Variants in THSD4 observed in about 807,000 individuals in gnomAD.
THSD4 encodes thrombospondin type 1 domain containing 4.
A neutral mutation model predicts 119.0 loss-of-function variants in THSD4; 69 were observed. The observed-to-expected ratio is 0.58, with a 90% CI of 0.48 to 0.71. The LOEUF (loss-of-function observed/expected upper bound fraction) is 0.71. Ranked by LOEUF, THSD4 falls within the 30% of genes least tolerant of loss-of-function variation. The probability of loss-of-function intolerance (pLI) is 0.00; values close to 1 mark genes in which losing one functional copy is unlikely to be tolerated. For missense variants in THSD4, 1,393 were observed against 1,391.1 expected (o/e 1.00, Z -0.02); for synonymous variants, 524 against 540.4 (o/e 0.97, Z 0.42).
intron 7 of THSD4, among the ~76,000 whole-genome samples, chr15:71,512,823 C>G (rs1403550707): frequency 1.3e-5 from 2 of 152,044 alleles, no homozygotes; most frequent in African/African-American, 4.8e-5. Flanking sequence ...AACATCCATA[C>G]GAGAGTAGGG....
intron 4 of THSD4, among the ~76,000 whole-genome samples, chr15:71,237,604 A>G (rs1158713892): frequency 6.6e-6 from 1 of 152,200 alleles, no homozygotes; most frequent in Non-Finnish European, 1.5e-5. Context: ...CCGCTGAAGC[A>G]GAAGCTGGAT....
At chr15:71,147,879 A>G in intron 2 of THSD4, 1 of 141,618 alleles carries the variant, frequency 7.1e-6, no homozygotes, top group Non-Finnish European at 1.5e-5. Context: ...CTGATGTGGG[A>G]GGATCACTTG....
At chr15:71,207,176 A>G (rs1302520715) in intron 3 of THSD4, among the ~76,000 whole-genome samples, 1 of 152,206 alleles carries the variant, frequency 6.6e-6, no homozygotes, top group Non-Finnish European at 1.5e-5. Flanking sequence ...TAAAAAGGCT[A>G]TGATGAAATA....
chr15:71,164,859 C>T, intron 3 of THSD4: 1 of 1,577,404 alleles, frequency 6.3e-7, no homozygotes, highest in Admixed American at 1.8e-5. Flanking sequence ...TCTTCCTCCT[C>T]TTCCTTCTTT....
intron 8 of THSD4, among the ~76,000 whole-genome samples, chr15:71,693,928 G>A (rs1281474747): frequency 6.6e-6 from 1 of 151,650 alleles, no homozygotes; most frequent in African/African-American, 2.4e-5. Flanking sequence ...AAATTACCCA[G>A]TCTCACATCT....
At chr15:71,110,204 T>A (rs753215078) in intron 1 of THSD4, 11 of 152,174 alleles carry the variant, frequency 7.2e-5, no homozygotes, top group Non-Finnish European at 1.2e-4. Context: ...AGGACCTCAT[T>A]ATGAGAGTCT....
At chr15:71,441,620 G>C (rs1050269515) in intron 7 of THSD4, among the ~76,000 whole-genome samples, 8 of 151,674 alleles carry the variant, frequency 5.3e-5, no homozygotes, top group South Asian at 2.1e-4. Context: ...GTCTCGAACT[G>C]CTGACCTCGT....
intron 7 of THSD4, among the ~76,000 whole-genome samples, chr15:71,567,602 C>CCCCCA (rs201007082): frequency 5.6e-5 from 8 of 142,616 alleles, no homozygotes; most frequent in African/African-American, 1.5e-4. Context: ...AGACACCCCC[C>CCCCCA]CACACACACA....
At chr15:71,344,442 A>G (rs1035194786) in intron 6 of THSD4, among the ~76,000 whole-genome samples, 1 of 152,062 alleles carries the variant, frequency 6.6e-6, no homozygotes, top group East Asian at 1.9e-4. Context: ...GGGAGAAGGG[A>G]GGGCACCATT....
intron 1 of THSD4, among the ~76,000 whole-genome samples, chr15:71,130,456 G>A (rs1280255925): frequency 6.6e-6 from 1 of 152,112 alleles, no homozygotes; most frequent in South Asian, 2.1e-4. Flanking sequence ...GAAGTGCTGG[G>A]ATTACAGGCA....
At chr15:71,276,953 C>T (rs2044597100) in intron 6 of THSD4, among the ~76,000 whole-genome samples, 8 of 151,968 alleles carry the variant, frequency 5.3e-5, no homozygotes, top group Admixed American at 5.2e-4. Flanking sequence ...GCAGTGTATC[C>T]AGAGGTGGAG....
In THSD4 at chr15:71,411,161, G is replaced by A. The variant is rs147762764; in HGVS notation, c.1016-526G>A. 2.7e-3 allele frequency among the ~76,000 whole-genome samples: 410 copies of A among 152,300 alleles called. 3 individuals carry two copies. Among genetic ancestry groups the A allele is most frequent in the African/African-American group, 9.3e-3 (387 of 41,552 alleles). ...CGTAATTAATTATGACAATGGCAAA[G>A]CGTGGGAGGATGTCTAAAAGTAGAA... On this transcript the variant is annotated intron_variant, in intron 6 of 17. Transcript: ENST00000261862.
At chr15:71,098,999 G>A (rs892626861) in intron 1 of THSD4, among the ~76,000 whole-genome samples, 1 of 152,108 alleles carries the variant, frequency 6.6e-6, no homozygotes, top group African/African-American at 2.4e-5. Context: ...GTTTAAACTG[G>A]TTGCAATTGG....
At position 71,691,879 on chromosome 15, in the gene THSD4, A is replaced by G. The variant is rs367655050; in HGVS notation, c.1357+31145A>G. Among the ~76,000 whole-genome samples, 9 of 152,326 alleles carry G rather than the reference A, an allele frequency of 5.9e-5. No individual in the cohort carries two copies. The South Asian group carries it at 8.3e-4, about 14-fold the overall frequency. ...AATACATGAGAGATTGGCATAGCGT[A>G]TCCCCAGGGGAATGAGAATGAAACT... is the stretch of plus-strand genomic sequence containing the variant. On this transcript the variant is annotated intron_variant, in intron 8 of 17. Coordinates refer to ENST00000261862, the MANE Select transcript of THSD4 (RefSeq NM_024817.3).
chr15:71,271,996 G>A (rs752234987), intron 6 of THSD4, among the ~76,000 whole-genome samples: 87 of 152,152 alleles, frequency 5.7e-4, no homozygotes, highest in Non-Finnish European at 1.1e-3. Flanking sequence ...AGAGTGAAAA[G>A]ACAACCCACA....
rs564689542 is a variant in THSD4, at chr15:71,297,069, G to A, written c.1015+40354G>A. On this transcript the variant is annotated intron_variant, in intron 6 of 17. Coordinates refer to ENST00000261862, the MANE Select transcript of THSD4 (RefSeq NM_024817.3). ...ATTGCCCATTTATATGTCTTCTATT[G>A]TTTTTAATGAGGTGAAATTCACATA... Among the ~76,000 whole-genome samples the A allele has an allele frequency of 2.0e-5, 3 of 151,918 alleles. No homozygotes were observed. The South Asian group carries it at 6.2e-4, about 32-fold the overall frequency.
At chr15:71,361,788 A>G (rs780454110) in intron 6 of THSD4, among the ~76,000 whole-genome samples, 7 of 152,232 alleles carry the variant, frequency 4.6e-5, no homozygotes, top group Non-Finnish European at 7.3e-5. Context: ...TTTCATCCAT[A>G]CAAAGGGATA....
intron 7 of THSD4, among the ~76,000 whole-genome samples, chr15:71,598,488 C>G (rs72740614): frequency 0.074 from 11,250 of 152,184 alleles, 477 homozygotes; most frequent in Admixed American, 0.12. Flanking sequence ...TGACTGAAGA[C>G]TGGGGAGAAG....
chr15:71,611,377 C>T (rs1490295821), intron 7 of THSD4, among the ~76,000 whole-genome samples: 2 of 152,156 alleles, frequency 1.3e-5, no homozygotes, highest in Non-Finnish European at 2.9e-5. Flanking sequence ...AGGGTGGGAC[C>T]AGGCCAGCCT....
Sources: gnomAD v4.1 joint callset for allele counts (sites outside exome capture counted in the v4.1 genomes callset) on GRCh38, gnomAD v4.1.1 for gene constraint, MANE v1.5 for transcripts, NCBI Gene and HGNC (gene_info 2026-07-23, HGNC 2026-07-21) for gene names.